Variants in RNASE13 observed in about 807,000 individuals in gnomAD.
The protein encoded by RNASE13 is ribonuclease A family member 13 (inactive).
For synonymous variants in RNASE13, 67 were observed against 71.6 expected (o/e 0.94, Z 0.32); for missense variants, 188 against 192.8 (o/e 0.98, Z 0.15).
chr14:21,032,950 T>G lies in RNASE13; in HGVS notation c.*868A>C. 1 of 456,086 alleles carries G rather than the reference T, an allele frequency of 2.2e-6. No homozygotes were observed. 28.3% of individuals were successfully genotyped at this position (456,086 alleles called of 1,614,324 possible). ...TACATCTTACATACTCAGATGTGGT[T>G]TTAGAAATTTATGTTCGATTAGAGC... is the stretch of plus-strand genomic sequence containing the variant. On this transcript the variant is annotated 3_prime_UTR_variant, in exon 2 of 2. Transcript: ENST00000382951.
At chr14:21,034,583 T>A (rs535303754) in intron 1 of RNASE13, 73 bp downstream of exon 1, 1 of 342,348 alleles carries the variant, frequency 2.9e-6, no homozygotes, top group South Asian at 9.0e-5. Context: ...TGAGAGACTC[T>A]TCCCAAGAGT....
rs563648604 is a variant in RNASE13, at chr14:21,034,770, G to T, written c.-123C>A. On this transcript the variant is annotated 5_prime_UTR_variant, in exon 1 of 2. Transcript: ENST00000382951. Reference sequence around the variant, plus strand: ...CAAGAGATGAGGAGAGGCTAGAAAGGTTTCTAGGTAAAAATCAGTCTGGGA... The same window carrying T: ...CAAGAGATGAGGAGAGGCTAGAAAGTTTTCTAGGTAAAAATCAGTCTGGGA... 6.4e-6 allele frequency: 1 copy of T among 156,880 alleles called. No homozygotes were observed. The highest frequency in any genetic ancestry group is 2.0e-4 in the South Asian group (1 of 5,028). 9.7% of individuals were successfully genotyped at this position (156,880 alleles called of 1,614,324 possible).
rs1566490569 is a variant in RNASE13, at chr14:21,034,103, C to T, written c.186G>A (p.Lys62=). The change falls in exon 2 of 2, where the codon AAG becomes AAA. Residue 62 remains lysine, a synonymous_variant. Transcript: ENST00000382951. The stretch of plus-strand genomic sequence containing the variant: ...TCTTTGGGCAATCTGAATTTTGCAT[C>T]TTGCCTCGCATATAGGACATCAGAC... The part of the protein sequence containing the change: ...CNGLMSYMRG[K]MQNSDCPKIH... 3 of 1,614,204 alleles carry T rather than the reference C, an allele frequency of 1.9e-6. No individual in the cohort carries two copies. In the Admixed American group the frequency reaches 5.0e-5, roughly 27 times the overall value.
chr14:21,033,043 C>CTGG lies in RNASE13; in HGVS notation c.*772_*774dup, dbSNP rs1213473155. The CTGG allele has an allele frequency of 2.2e-6, 1 of 451,400 alleles. No individual in the cohort carries two copies. The highest frequency in any genetic ancestry group is 7.0e-5 in the East Asian group (1 of 14,334). 28.0% of individuals were successfully genotyped at this position (451,400 alleles called of 1,614,324 possible). On this transcript the variant is annotated 3_prime_UTR_variant, in exon 2 of 2. Transcript: ENST00000382951. ...AGTCTGGGGGATTTGGGAGGAGCTT[C>CTGG]TGGAAGAGAAGGGAAGCAGGAACCT...
rs112963399 is a variant in RNASE13 at position 21,034,509 on chromosome 14, A to T, written c.-9+147T>A. ...CCCTGCTCCCCTGGTCCACCACAGA[A>T]TCTCAGCCTCTGCAGAGTCCGTGAG... On this transcript the variant is annotated intron_variant, in intron 1 of 1. Coordinates refer to ENST00000382951, the MANE Select transcript of RNASE13 (RefSeq NM_001012264.4). 5.7e-4 allele frequency: 324 copies of T among 566,636 alleles called. 2 individuals are homozygous for T. The highest frequency in any genetic ancestry group is 5.4e-3 in the African/African-American group (291 of 53,500). 35.1% of individuals were successfully genotyped at this position (566,636 alleles called of 1,614,324 possible).
chr14:21,033,752 G>T lies in RNASE13; in HGVS notation c.*66C>A. 9.3e-7 allele frequency: 1 copy of T among 1,076,660 alleles called. No homozygotes were observed. The highest frequency in any genetic ancestry group is 1.4e-6 in the Non-Finnish European group (1 of 690,156). 66.7% of individuals were successfully genotyped at this position (1,076,660 alleles called of 1,614,324 possible). On this transcript the variant is annotated 3_prime_UTR_variant, in exon 2 of 2. Transcript: ENST00000382951. ...AGTCAGGAAGGAAGTCTTGTTACAG[G>T]GATCAGAGTGTTGGAAATGGAGACA...
chr14:21,034,493 C>T (rs773111999), intron 1 of RNASE13, among the ~76,000 whole-genome samples, 163 bp downstream of exon 1: 2 of 152,202 alleles, frequency 1.3e-5, no homozygotes, highest in Non-Finnish European at 2.9e-5. Flanking sequence ...GCCCTGCTCC[C>T]CTGGTCCACC....
intron 1 of RNASE13, 25 bp from the exon 2 acceptor site, chr14:21,034,321 G>A (rs771694607): frequency 2.0e-6 from 3 of 1,525,504 alleles, no homozygotes; most frequent in South Asian, 1.2e-5. Context: ...GTGGTTGGGG[G>A]CAGCAGTGGG....
At chr14:21,034,360 A>G in intron 1 of RNASE13, 64 bp from the exon 2 acceptor site, 7 of 1,085,842 alleles carry the variant, frequency 6.4e-6, no homozygotes, top group Non-Finnish European at 9.5e-6. Context: ...CACATCCCAG[A>G]GCCTCCAGCA....
At position 21,033,831 on chromosome 14, in the gene RNASE13, T is replaced by C; in HGVS notation, c.458A>G (p.Tyr153Cys). 7.5e-6 allele frequency: 12 copies of C among 1,610,286 alleles called. No individual in the cohort carries two copies. Among genetic ancestry groups the C allele is most frequent in the Non-Finnish European group, 1.0e-5 (12 of 1,176,586 alleles). Residue 153 changes from tyrosine (Y) to cysteine (C), a missense_variant, in exon 2 of 2, where the codon TAT becomes TGT. By Grantham distance (194) the Tyr-to-Cys change is radical. Coordinates refer to ENST00000382951, the MANE Select transcript of RNASE13 (RefSeq NM_001012264.4). Reference protein sequence around the residue: ...EADPIGIAGLYSGI With the variant: ...EADPIGIAGLCSGI ...GTGGCTCAGGAATTAAATTCCCGAA[T>C]AGAGACCAGCGATACCTATTGGATC...
rs575423771 is a variant in RNASE13, at chr14:21,034,282, G to A, written c.7C>T (p.Pro3Ser). The A allele has an allele frequency of 1.2e-6, 2 of 1,608,916 alleles. No homozygotes were observed. The highest frequency in any genetic ancestry group is 1.7e-4 in the Middle Eastern group (1 of 5,994). MAPAVTRLLFLQL... is the reference protein window; with the variant it reads MASAVTRLLFLQL... ...AGGAAAAGGAGCCGGGTCACAGCTG[G>A]TGCCATTCCTCCTGCTGGTAGAGTT... The change falls in exon 2 of 2, where the codon CCA (proline) becomes TCA (serine). Residue 3 changes from proline to serine, a missense_variant. Pro to Ser is a moderately conservative substitution (Grantham distance 74). Coordinates refer to ENST00000382951, the MANE Select transcript of RNASE13 (RefSeq NM_001012264.4).
At position 21,033,854 on chromosome 14, in the gene RNASE13, A is replaced by C; in HGVS notation, c.435T>G (p.Asp145Glu). ...AATAGAGACCAGCGATACCTATTGGATCAGCTTCATACTTGCGGGAGCAGA... is the reference window on the plus strand; with the variant it reads ...AATAGAGACCAGCGATACCTATTGGCTCAGCTTCATACTTGCGGGAGCAGA... ...YLLCSRKYEA[D>E]PIGIAGLYSG... The change falls in exon 2 of 2, where the codon GAT (aspartate) becomes GAG (glutamate). Residue 145 changes from aspartate to glutamate, a missense_variant. Coordinates refer to ENST00000382951, the MANE Select transcript of RNASE13 (RefSeq NM_001012264.4). The C allele has an allele frequency of 6.2e-7, 1 of 1,613,888 alleles. No individual in the cohort carries two copies. The highest frequency in any genetic ancestry group is 8.5e-7 in the Non-Finnish European group (1 of 1,179,832).
chr14:21,034,052 C>G lies in RNASE13; in HGVS notation c.237G>C (p.Trp79Cys). The G allele has an allele frequency of 6.2e-7, 1 of 1,614,150 alleles. No homozygotes were observed. The highest frequency in any genetic ancestry group is 8.5e-7 in the Non-Finnish European group (1 of 1,180,020). Residue 79 changes from tryptophan (W) to cysteine (C), a missense_variant, in exon 2 of 2, where the codon TGG (tryptophan) becomes TGC (cysteine). Physicochemically the swap from Trp to Cys is radical, Grantham distance 215. Transcript: ENST00000382951. ...ACTTGCAGAACTTCTGGATGGCCTT[C>G]CAAGGGGCATGTATCACATAATGGA... Reference protein sequence around the residue: ...PKIHYVIHAPWKAIQKFCKYS... With the variant: ...PKIHYVIHAPCKAIQKFCKYS...
Position 21,033,551 on chromosome 14 carries a change from T to A in RNASE13, c.*267A>T. 1 of 503,266 alleles carries A rather than the reference T, an allele frequency of 2.0e-6. No homozygotes were observed. The highest frequency in any genetic ancestry group is 2.2e-5 in the South Asian group (1 of 44,590). The allele number at this position is 503,266 out of a possible 1,614,324, so 31.2% of individuals were successfully genotyped here. A position where few individuals can be genotyped will look rare whatever the true frequency, so the allele number is the denominator to read the frequency against. ...CACTGCCAACTGGACACAGTCAACTTCTTGGGTGGGTTTTACTGTCTCTGG... is the reference window on the plus strand; with the variant it reads ...CACTGCCAACTGGACACAGTCAACTACTTGGGTGGGTTTTACTGTCTCTGG... On this transcript the variant is annotated 3_prime_UTR_variant, in exon 2 of 2. Coordinates refer to ENST00000382951, the MANE Select transcript of RNASE13 (RefSeq NM_001012264.4).
rs1566489871 is a variant in RNASE13 at position 21,033,569 on chromosome 14, G to A, written c.*249C>T. Reference sequence around the variant, plus strand: ...GTCAACTTCTTGGGTGGGTTTTACTGTCTCTGGGAGAGGAAGGATGATGAG... The same window carrying A: ...GTCAACTTCTTGGGTGGGTTTTACTATCTCTGGGAGAGGAAGGATGATGAG... On this transcript the variant is annotated 3_prime_UTR_variant, in exon 2 of 2. Coordinates refer to ENST00000382951, the MANE Select transcript of RNASE13 (RefSeq NM_001012264.4). 2.0e-5 allele frequency: 11 copies of A among 551,106 alleles called. No homozygotes were observed. Among genetic ancestry groups the A allele is most frequent in the Non-Finnish European group, 3.3e-5 (10 of 305,444 alleles). The allele number at this position is 551,106 out of a possible 1,614,324, so 34.1% of individuals were successfully genotyped here. A position where few individuals can be genotyped will look rare whatever the true frequency, so the allele number is the denominator to read the frequency against.
At position 21,033,900 on chromosome 14, in the gene RNASE13, G is replaced by A; in HGVS notation, c.389C>T (p.Thr130Ile). The change falls in exon 2 of 2, where the codon ACC becomes ATC. Residue 130 changes from threonine to isoleucine, a missense_variant. By Grantham distance (89) the Thr-to-Ile change is moderately conservative. Transcript: ENST00000382951. ...GCAGAGTAGGTAGAGCTTCTGGTTG[G>A]TTAGGGTGCTATTGTAGTAGCAGCT... is the stretch of plus-strand genomic sequence containing the variant. ...PTSCYYNSTL[T>I]NQKLYLLCSR... 1 of 1,614,108 alleles carries A rather than the reference G, an allele frequency of 6.2e-7. No homozygotes were observed. The highest frequency in any genetic ancestry group is 8.5e-7 in the Non-Finnish European group (1 of 1,179,966).
Position 21,033,516 on chromosome 14 carries a change from G to C in RNASE13, c.*302C>G. On this transcript the variant is annotated 3_prime_UTR_variant, in exon 2 of 2. Coordinates refer to ENST00000382951, the MANE Select transcript of RNASE13 (RefSeq NM_001012264.4). ...CCAGGACTTAGGATCTGGCCCAGTG[G>C]GTGGACAGTCACTGCCAACTGGACA... 2 of 429,888 alleles carry C rather than the reference G, an allele frequency of 4.7e-6. No homozygotes were observed. Among genetic ancestry groups the C allele is most frequent in the Non-Finnish European group, 8.6e-6 (2 of 232,088 alleles). The allele number at this position is 429,888 out of a possible 1,614,324, so 26.6% of individuals were successfully genotyped here. A position where few individuals can be genotyped will look rare whatever the true frequency, so the allele number is the denominator to read the frequency against.
In RNASE13 at chr14:21,033,235, T is replaced by A; in HGVS notation, c.*583A>T. ...AAGAGGAAGCAGGAGAGGACAGTTA[T>A]ATGAAGGGAGAAACCATGATTTCAC... is the stretch of plus-strand genomic sequence containing the variant. On this transcript the variant is annotated 3_prime_UTR_variant, in exon 2 of 2. Coordinates refer to ENST00000382951, the MANE Select transcript of RNASE13 (RefSeq NM_001012264.4). 1 of 327,802 alleles carries A rather than the reference T, an allele frequency of 3.1e-6. No individual in the cohort carries two copies. The highest frequency in any genetic ancestry group is 2.4e-5 in the South Asian group (1 of 41,116). 20.3% of individuals were successfully genotyped at this position (327,802 alleles called of 1,614,324 possible).
At chr14:21,034,327 G>T in intron 1 of RNASE13, 31 bp from the exon 2 acceptor site, 1 of 1,514,166 alleles carries the variant, frequency 6.6e-7, no homozygotes. Flanking sequence ...GGGGGCAGCA[G>T]TGGGCCTGAA....
Sources: allele counts gnomAD v4.1 joint callset (sites outside exome capture counted in the v4.1 genomes callset), GRCh38; gene constraint gnomAD v4.1.1; transcripts MANE v1.5; gene names NCBI Gene and HGNC (gene_info 2026-07-23, HGNC 2026-07-21).